RGS7: variants seen among roughly 807,000 people sequenced by gnomAD.
The protein encoded by RGS7 is regulator of G-protein signaling 7.
A neutral mutation model predicts 81.1 loss-of-function variants in RGS7; 27 were observed. The ratio of observed to expected loss-of-function variants is 0.33; its 90% CI spans 0.25 to 0.46. The LOEUF (loss-of-function observed/expected upper bound fraction) is 0.46, where lower values mean the gene tolerates loss of function less well. RGS7 is among the 20% of genes least tolerant of loss of function. The pLI is 1.00. For synonymous variants in RGS7, 208 were observed against 207.7 expected, an observed-to-expected ratio of 1.00 and a Z score of -0.01; for missense variants, 396 against 607.4, an observed-to-expected ratio of 0.65 and a Z score of 3.66.
At chr1:241,273,479 T>G (rs1173331072) in intron 2 of RGS7, among the ~76,000 whole-genome samples, 1 of 152,058 alleles carries the variant, frequency 6.6e-6, no homozygotes, top group East Asian at 1.9e-4. Flanking sequence ...CAGGGAATTG[T>G]TTTTTGTTCA....
chr1:241,240,243 C>A (rs2076196940), intron 2 of RGS7, among the ~76,000 whole-genome samples: 1 of 152,156 alleles, frequency 6.6e-6, no homozygotes, highest in African/African-American at 2.4e-5. Flanking sequence ...AGGCAAGTCC[C>A]TCGGTGGGCA....
intron 3 of RGS7, among the ~76,000 whole-genome samples, chr1:241,066,432 G>A (rs866209793): frequency 6.6e-5 from 10 of 152,158 alleles, no homozygotes; most frequent in African/African-American, 1.7e-4. Flanking sequence ...TAGGACTTTC[G>A]TTAAATGCTT....
chr1:241,174,906 T>G (rs961466684), intron 2 of RGS7, among the ~76,000 whole-genome samples: 8 of 138,776 alleles, frequency 5.8e-5, no homozygotes, highest in African/African-American at 1.6e-4. Flanking sequence ...TTTTTTTTTT[T>G]TTTTTTTTTT....
intron 9 of RGS7, among the ~76,000 whole-genome samples, chr1:240,848,628 G>A (rs1303503746): frequency 1.6e-4 from 9 of 57,252 alleles, no homozygotes; most frequent in Non-Finnish European, 2.8e-4. Context: ...CATTTATAAC[G>A]AGAGGTTTTT....
chr1:240,805,637 T>C lies in RGS7; in HGVS notation c.1269+503A>G, dbSNP rs75154021. The stretch of plus-strand genomic sequence containing the variant: ...TTTAAGAAATGTCAGAATCTAATGT[T>C]TGATTTTTTTTTTCACCAGAGATAA... On this transcript the variant is annotated intron_variant, in intron 15 of 18. Coordinates refer to ENST00000440928, the MANE Select transcript of RGS7 (RefSeq NM_001364886.1). Among the ~76,000 whole-genome samples, 284 of 152,274 alleles carry C rather than the reference T, an allele frequency of 1.9e-3. 5 individuals carry two copies. The East Asian group carries it at 0.029, about 16-fold the overall frequency.
At chr1:240,779,288 C>A (rs369947683) in intron 18 of RGS7, among the ~76,000 whole-genome samples, 1 of 152,194 alleles carries the variant, frequency 6.6e-6, no homozygotes, top group East Asian at 1.9e-4. Context: ...TCCTGAGTAG[C>A]TGGGATTACA....
intron 2 of RGS7, among the ~76,000 whole-genome samples, chr1:241,199,059 G>A (rs1419995556): frequency 6.6e-6 from 1 of 151,916 alleles, no homozygotes; most frequent in Non-Finnish European, 1.5e-5. Context: ...TTCACCATAT[G>A]AAGAGAATAA....
At chr1:241,066,783 G>A (rs1359606348) in intron 3 of RGS7, among the ~76,000 whole-genome samples, 1 of 152,310 alleles carries the variant, frequency 6.6e-6, no homozygotes, top group African/African-American at 2.4e-5. Flanking sequence ...CATTTGTGCA[G>A]AACATTCCTA....
At chr1:241,061,894 C>A (rs1489852336) in intron 3 of RGS7, among the ~76,000 whole-genome samples, 1 of 152,174 alleles carries the variant, frequency 6.6e-6, no homozygotes, top group Non-Finnish European at 1.5e-5. Context: ...GAGTCTGTAC[C>A]TCCCAAGAGG....
chr1:240,796,124 T>C (rs1004524929), intron 18 of RGS7, among the ~76,000 whole-genome samples: 1 of 152,120 alleles, frequency 6.6e-6, no homozygotes, highest in African/African-American at 2.4e-5. Context: ...CTAGAATATA[T>C]AGGACTAGGT....
intron 2 of RGS7, among the ~76,000 whole-genome samples, chr1:241,135,387 C>T (rs1005998653): frequency 6.6e-6 from 1 of 151,930 alleles, no homozygotes; most frequent in Admixed American, 6.6e-5. Flanking sequence ...AGATCGCGCC[C>T]CTGCACTCCA....
intron 3 of RGS7, among the ~76,000 whole-genome samples, chr1:241,042,758 G>A (rs1206250951): frequency 6.6e-6 from 1 of 152,024 alleles, no homozygotes; most frequent in African/African-American, 2.4e-5. Context: ...TGGCCAAGAT[G>A]GTGAAACCGT....
At chr1:241,303,434 C>A (rs773968822) in intron 2 of RGS7, among the ~76,000 whole-genome samples, 2 of 152,160 alleles carry the variant, frequency 1.3e-5, no homozygotes, top group African/African-American at 2.4e-5. Flanking sequence ...TCAATTAAAC[C>A]TCTTTTTCTA....
intron 18 of RGS7, among the ~76,000 whole-genome samples, chr1:240,789,402 G>A (rs1197655137): frequency 6.6e-6 from 1 of 152,160 alleles, no homozygotes; most frequent in African/African-American, 2.4e-5. Flanking sequence ...CAATGTTCAG[G>A]GAACAAGAGA....
At chr1:240,865,989 C>G (rs1039925063) in intron 9 of RGS7, among the ~76,000 whole-genome samples, 6 of 152,194 alleles carry the variant, frequency 3.9e-5, no homozygotes, top group African/African-American at 1.4e-4. Flanking sequence ...AAGATAAACA[C>G]CAGTACCTGT....
At chr1:241,149,739 G>C (rs1229790339) in intron 2 of RGS7, among the ~76,000 whole-genome samples, 1 of 152,130 alleles carries the variant, frequency 6.6e-6, no homozygotes, top group Non-Finnish European at 1.5e-5. Flanking sequence ...ATGTTCAATA[G>C]TGACTGACAG....
intron 6 of RGS7, chr1:240,919,680 C>T (rs1171623926): frequency 2.2e-5 from 12 of 552,360 alleles, no homozygotes; most frequent in Middle Eastern, 5.3e-4. Context: ...TCCTAAAGAA[C>T]CGAACAGCTG....
intron 2 of RGS7, among the ~76,000 whole-genome samples, chr1:241,326,769 C>T (rs2081520896): frequency 6.7e-6 from 1 of 150,286 alleles, no homozygotes. Flanking sequence ...CATGTTGAAA[C>T]CCATCTGGCA....
At chr1:240,898,855 G>A (rs183916812) in intron 6 of RGS7, among the ~76,000 whole-genome samples, 5 of 152,164 alleles carry the variant, frequency 3.3e-5, no homozygotes, top group South Asian at 2.1e-4. Flanking sequence ...TTTCTGTCTC[G>A]TTGATCTGTC....
Sources: gnomAD v4.1 joint callset for allele counts (sites outside exome capture counted in the v4.1 genomes callset) on GRCh38, gnomAD v4.1.1 for gene constraint, MANE v1.5 for transcripts, NCBI Gene and HGNC (gene_info 2026-07-23, HGNC 2026-07-21) for gene names.